Variants in CADPS2 observed in about 807,000 individuals in gnomAD.
CADPS2 encodes the protein calcium dependent secretion activator 2, also known as calcium-dependent secretion activator 2.
Under a neutral mutation model 172.5 loss-of-function variants are expected in CADPS2, and 93 were observed. The ratio of observed to expected loss-of-function variants is 0.54; its 90% CI spans 0.46 to 0.64. CADPS2 has a LOEUF of 0.64. Among genes scored for constraint, CADPS2 ranks in the 30% least tolerant of loss-of-function variants. The pLI, the probability that CADPS2 is intolerant of heterozygous loss-of-function variation, is 0.00. For synonymous variants in CADPS2, 546 were observed against 555.2 expected (o/e 0.98, Z 0.23); for missense variants, 1,420 against 1,565.9 (o/e 0.91, Z 1.57).
At chr7:122,372,475 T>C (rs2041884207) in intron 25 of CADPS2, among the ~76,000 whole-genome samples, 2 of 152,172 alleles carry the variant, frequency 1.3e-5, no homozygotes, top group South Asian at 2.1e-4. Flanking sequence ...CTGTGTGTGA[T>C]TGAGAACTTG....
intron 16 of CADPS2, among the ~76,000 whole-genome samples, chr7:122,439,186 A>C (rs1380709098): frequency 6.6e-6 from 1 of 152,156 alleles, no homozygotes; most frequent in Non-Finnish European, 1.5e-5. Flanking sequence ...GGCAAGGGGA[A>C]AATGCAATTA....
intron 15 of CADPS2, among the ~76,000 whole-genome samples, chr7:122,446,812 C>T (rs2052280288): frequency 6.6e-6 from 1 of 152,206 alleles, no homozygotes; most frequent in African/African-American, 2.4e-5. Context: ...TAGGTTCCTC[C>T]TTTCTGGATC....
chr7:122,675,456 C>T (rs899429109), intron 2 of CADPS2, among the ~76,000 whole-genome samples: 2 of 152,148 alleles, frequency 1.3e-5, no homozygotes, highest in African/African-American at 4.8e-5. Context: ...AAGTCATCCA[C>T]CAAGGTGAGT....
intron 2 of CADPS2, among the ~76,000 whole-genome samples, chr7:122,688,462 A>G (rs1380579363): frequency 2.0e-5 from 3 of 152,206 alleles, no homozygotes; most frequent in Admixed American, 1.3e-4. Flanking sequence ...TGGGTGGATG[A>G]GTGGCAAACA....
At chr7:122,381,925 G>A (rs1318376662) in intron 24 of CADPS2, among the ~76,000 whole-genome samples, 2 of 152,162 alleles carry the variant, frequency 1.3e-5, no homozygotes, top group African/African-American at 4.8e-5. Context: ...TATTGTAAAT[G>A]TATCTGGTTA....
chr7:122,836,556 A>G (rs1422181355), intron 1 of CADPS2, among the ~76,000 whole-genome samples: 3 of 152,226 alleles, frequency 2.0e-5, no homozygotes, highest in Admixed American at 6.5e-5. Context: ...AGAGACACAC[A>G]TAGGCTCAAA....
At chr7:122,345,501 A>G in intron 28 of CADPS2, 73 bp downstream of exon 28, 1 of 877,964 alleles carries the variant, frequency 1.1e-6, no homozygotes, top group Non-Finnish European at 1.8e-6. Flanking sequence ...TTGCAAACAT[A>G]CCATCAAAAT....
intron 7 of CADPS2, among the ~76,000 whole-genome samples, chr7:122,570,389 G>C (rs900562533): frequency 4.0e-5 from 6 of 150,272 alleles, no homozygotes; most frequent in African/African-American, 1.5e-4. Flanking sequence ...AACAACAGGT[G>C]CTGGAGAGGA....
At chr7:122,629,594 A>G (rs964861656) in intron 3 of CADPS2, among the ~76,000 whole-genome samples, 2 of 152,184 alleles carry the variant, frequency 1.3e-5, no homozygotes, top group Admixed American at 6.6e-5. Flanking sequence ...TCATTAAGTC[A>G]GTCCTAAATA....
Position 122,599,012 on chromosome 7 carries a change from GC to G in CADPS2, c.1223+16168del, listed in dbSNP as rs2072336061. On this transcript the variant is annotated intron_variant, in intron 6 of 29. Coordinates refer to ENST00000449022, the MANE Select transcript of CADPS2 (RefSeq NM_017954.11). Reference sequence around the variant, plus strand: ...GGGAAGCCCTCACAGAGAAAAGCATGCTAAACTGGAGCCTTCAAGGAAAAGT... The same window carrying G: ...GGGAAGCCCTCACAGAGAAAAGCATGTAAACTGGAGCCTTCAAGGAAAAGT... Among the ~76,000 whole-genome samples the G allele has an allele frequency of 2.0e-5, 3 of 152,162 alleles. No individual in the cohort carries two copies. In the South Asian group the frequency reaches 6.2e-4, roughly 32 times the overall value.
At chr7:122,510,025 T>C (rs1040007667) in intron 9 of CADPS2, among the ~76,000 whole-genome samples, 4 of 152,132 alleles carry the variant, frequency 2.6e-5, no homozygotes, top group Admixed American at 6.6e-5. Context: ...AATTCATTTG[T>C]TCAAATCTCA....
intron 20 of CADPS2, among the ~76,000 whole-genome samples, chr7:122,397,836 C>G (rs1171708327): frequency 6.6e-6 from 1 of 152,162 alleles, no homozygotes; most frequent in Non-Finnish European, 1.5e-5. Context: ...TCCAAGAACA[C>G]TTCTGACACC....
chr7:122,784,674 G>T (rs948362711), intron 1 of CADPS2, among the ~76,000 whole-genome samples: 16 of 152,118 alleles, frequency 1.1e-4, no homozygotes, highest in Non-Finnish European at 2.2e-4. Context: ...CCAGTGCCAG[G>T]TTGGTTCTCA....
At chr7:122,635,220 T>A (rs1487608870) in intron 3 of CADPS2, among the ~76,000 whole-genome samples, 1 of 152,186 alleles carries the variant, frequency 6.6e-6, no homozygotes, top group Non-Finnish European at 1.5e-5. Flanking sequence ...GCCTGGATGA[T>A]CTAATGCTGT....
intron 6 of CADPS2, among the ~76,000 whole-genome samples, chr7:122,582,299 A>G (rs1349685092): frequency 2.0e-5 from 3 of 152,170 alleles, no homozygotes; most frequent in Non-Finnish European, 2.9e-5. Context: ...AACTCAGTAA[A>G]GCAGGTATAA....
chr7:122,706,588 T>C (rs1452581890), intron 2 of CADPS2, among the ~76,000 whole-genome samples: 2 of 147,750 alleles, frequency 1.4e-5, no homozygotes, highest in Non-Finnish European at 3.0e-5. Flanking sequence ...TGTATATATA[T>C]ATATATCACA....
intron 7 of CADPS2, among the ~76,000 whole-genome samples, chr7:122,572,914 C>T (rs1379412563): frequency 6.6e-6 from 1 of 152,074 alleles, no homozygotes; most frequent in Non-Finnish European, 1.5e-5. Context: ...CCATATGCCA[C>T]CTCTATTTCC....
intron 17 of CADPS2, 139 bp downstream of exon 17, chr7:122,438,202 C>T (rs1586036277): frequency 9.5e-7 from 1 of 1,052,812 alleles, no homozygotes; most frequent in Non-Finnish European, 1.4e-6. Flanking sequence ...TTCAGTTCAC[C>T]AGCTGAGATT....
At chr7:122,644,553 C>A (rs1014199671) in intron 3 of CADPS2, among the ~76,000 whole-genome samples, 3 of 152,074 alleles carry the variant, frequency 2.0e-5, no homozygotes, top group Non-Finnish European at 2.9e-5. Context: ...GAACGACTTG[C>A]GTTAATTTTA....
Sources: allele counts gnomAD v4.1 joint callset (sites outside exome capture counted in the v4.1 genomes callset), GRCh38; gene constraint gnomAD v4.1.1; transcripts MANE v1.5; gene names NCBI Gene and HGNC (gene_info 2026-07-23, HGNC 2026-07-21).